The following NAT1 variants were observed in gnomAD, a reference collection of about 807,000 sequenced individuals.
NAT1 encodes arylamine N-acetyltransferase 1.
For synonymous variants in NAT1, 144 were observed against 122.6 expected (o/e 1.17, Z -1.16); for missense variants, 400 against 339.2 (o/e 1.18, Z -1.41).
rs1022148954 is a variant in NAT1 at position 18,222,584 on chromosome 8, T to C, written c.537T>C (p.Asp179=). The change falls in exon 3 of 3, where the codon GAT becomes GAC. Residue 179 remains aspartate, a synonymous_variant. Transcript: ENST00000307719. ...YIPNEEFLHS[D]LLEDSKYRKI... ...CAAATGAAGAATTTCTTCATTCTGATCTCCTAGAAGACAGCAAATACCGAA... is the reference window on the plus strand; with the variant it reads ...CAAATGAAGAATTTCTTCATTCTGACCTCCTAGAAGACAGCAAATACCGAA... The C allele has an allele frequency of 6.8e-6, 11 of 1,613,814 alleles. No individual in the cohort carries two copies. The highest frequency in any genetic ancestry group is 2.2e-5 in the East Asian group (1 of 44,890).
chr8:18,172,995 C>T (rs562448320), intron 2 of NAT1, among the ~76,000 whole-genome samples: 1 of 152,164 alleles, frequency 6.6e-6, no homozygotes, highest in Admixed American at 6.5e-5. Flanking sequence ...ATCCTCAGTC[C>T]GTTCTCATGG....
At chr8:18,192,049 G>A (rs1169770902) in intron 2 of NAT1, among the ~76,000 whole-genome samples, 4 of 151,180 alleles carry the variant, frequency 2.6e-5, no homozygotes, top group African/African-American at 9.7e-5. Flanking sequence ...AGAGTGAACA[G>A]GCAACCTACA....
chr8:18,194,113 T>C (rs1487007739), intron 2 of NAT1, among the ~76,000 whole-genome samples: 1 of 152,260 alleles, frequency 6.6e-6, no homozygotes, highest in South Asian at 2.1e-4. Flanking sequence ...CTGAATGGAA[T>C]TGGGACAACC....
At position 18,222,592 on chromosome 8, in the gene NAT1, A is replaced by G; in HGVS notation, c.545A>G (p.Glu182Gly). ...NEEFLHSDLL[E>G]DSKYRKIYSF... is the part of the protein sequence containing the mutation. The stretch of plus-strand genomic sequence containing the variant: ...GAATTTCTTCATTCTGATCTCCTAG[A>G]AGACAGCAAATACCGAAAAATCTAC... The change falls in exon 3 of 3, where the codon GAA becomes GGA. Residue 182 changes from glutamate (E) to glycine (G), a missense_variant. Glu to Gly is a moderately conservative substitution (Grantham distance 98). Transcript: ENST00000307719. 3.1e-6 allele frequency: 5 copies of G among 1,613,584 alleles called. No individual in the cohort carries two copies. The highest frequency in any genetic ancestry group is 4.2e-6 in the Non-Finnish European group (5 of 1,179,788).
rs4987076 is a variant in NAT1 at position 18,222,492 on chromosome 8, G to C, written c.445G>C (p.Val149Leu). The change falls in exon 3 of 3, where the codon GTC becomes CTC. Residue 149 changes from valine (V) to leucine (L), a missense_variant. Val to Leu is a conservative substitution (Grantham distance 32). Coordinates refer to ENST00000307719, the MANE Select transcript of NAT1 (RefSeq NM_000662.8). ...SGKDQPQVPCVFRLTEENGFW... is the reference protein window; with the variant it reads ...SGKDQPQVPCLFRLTEENGFW... ...GAAGGATCAGCCTCAGGTGCCTTGT[G>C]TCTTCCGTTTGACGGAAGAGAATGG... 1 of 1,613,972 alleles carries C rather than the reference G, an allele frequency of 6.2e-7. No individual in the cohort carries two copies. The highest frequency in any genetic ancestry group is 1.3e-5 in the African/African-American group (1 of 74,896).
At chr8:18,184,351 G>A (rs1802646670) in intron 2 of NAT1, among the ~76,000 whole-genome samples, 1 of 152,094 alleles carries the variant, frequency 6.6e-6, no homozygotes, top group Non-Finnish European at 1.5e-5. Context: ...GCAGCCCACG[G>A]AGGGCGCCCT....
intron 2 of NAT1, among the ~76,000 whole-genome samples, chr8:18,201,951 C>T (rs995843486): frequency 6.6e-5 from 10 of 152,156 alleles, no homozygotes; most frequent in African/African-American, 2.4e-4. Context: ...TGGAAAAGAC[C>T]ACATATCAAG....
upstream of NAT1, among the ~76,000 whole-genome samples, chr8:18,205,115 A>G (rs1748586199): frequency 6.6e-6 from 1 of 152,194 alleles, no homozygotes; most frequent in Non-Finnish European, 1.5e-5. Flanking sequence ...TGTCGGCCAA[A>G]GCATTTCATA....
At chr8:18,184,139 C>A (rs62494028) in intron 2 of NAT1, among the ~76,000 whole-genome samples, 23,916 of 152,108 alleles carry the variant, frequency 0.16, 2,074 homozygotes, top group South Asian at 0.29. Flanking sequence ...TCTGCCTGGG[C>A]CCCATGACTT....
chr8:18,177,453 A>G (rs944276180), intron 2 of NAT1, among the ~76,000 whole-genome samples: 18 of 152,264 alleles, frequency 1.2e-4, no homozygotes, highest in African/African-American at 4.3e-4. Context: ...TTCTGACGTA[A>G]GAATGGGAAA....
chr8:18,172,624 G>A (rs1475958943), intron 2 of NAT1, among the ~76,000 whole-genome samples: 1 of 152,020 alleles, frequency 6.6e-6, no homozygotes. Flanking sequence ...TCAGCTCAGT[G>A]GTAAACTAGG....
At chr8:18,188,867 C>A (rs1301825511) in intron 2 of NAT1, among the ~76,000 whole-genome samples, 1 of 150,904 alleles carries the variant, frequency 6.6e-6, no homozygotes, top group Non-Finnish European at 1.5e-5. Flanking sequence ...TGGTGGTGAA[C>A]ACCTATAACC....
chr8:18,194,843 A>G, intron 2 of NAT1, among the ~76,000 whole-genome samples: 1 of 150,990 alleles, frequency 6.6e-6, no homozygotes, highest in Admixed American at 6.6e-5. Flanking sequence ...AAGAATATTC[A>G]GGCAGAGGCA....
intron 2 of NAT1, among the ~76,000 whole-genome samples, chr8:18,187,839 TG>T: frequency 6.6e-6 from 1 of 152,050 alleles, no homozygotes; most frequent in Non-Finnish European, 1.5e-5. Context: ...CCTGCGCATA[TG>T]CCCCGGAACC....
intron 2 of NAT1, among the ~76,000 whole-genome samples, chr8:18,179,335 A>ATTATGTAGT (rs1802418839): frequency 6.6e-6 from 1 of 152,154 alleles, no homozygotes; most frequent in Non-Finnish European, 1.5e-5. Flanking sequence ...AGAGAGAATG[A>ATTATGTAGT]AATAACTGAT....
At chr8:18,170,897 T>C (rs567425816) in intron 2 of NAT1, among the ~76,000 whole-genome samples, 2 of 152,198 alleles carry the variant, frequency 1.3e-5, no homozygotes, top group East Asian at 1.9e-4. Flanking sequence ...CTCTCTCCTT[T>C]TTTTTTTCTT....
At chr8:18,171,080 G>A (rs1802079776) in intron 2 of NAT1, among the ~76,000 whole-genome samples, 1 of 152,100 alleles carries the variant, frequency 6.6e-6, no homozygotes, top group East Asian at 1.9e-4. Context: ...TGAATCCAGG[G>A]TTTTGTGCTT....
chr8:18,208,580 G>A (rs577193445), upstream of NAT1, among the ~76,000 whole-genome samples: 2 of 152,306 alleles, frequency 1.3e-5, no homozygotes, highest in East Asian at 3.9e-4. Flanking sequence ...GAACCTTCCA[G>A]TACTCATTCC....
chr8:18,174,342 A>C (rs1193810783), intron 2 of NAT1, among the ~76,000 whole-genome samples: 1 of 152,226 alleles, frequency 6.6e-6, no homozygotes, highest in East Asian at 1.9e-4. Flanking sequence ...ATGAAGATTA[A>C]ACACATCATT....
Sources: allele counts gnomAD v4.1 joint callset (sites outside exome capture counted in the v4.1 genomes callset), GRCh38; gene constraint gnomAD v4.1.1; transcripts MANE v1.5; gene names NCBI Gene and HGNC (gene_info 2026-07-23, HGNC 2026-07-21).